GC: variants seen among roughly 807,000 people sequenced by gnomAD.
GC encodes the protein GC vitamin D binding protein, also known as vitamin D-binding protein.
In GC, 43 loss-of-function variants were observed where a neutral mutation model predicts 56.7. The ratio of observed to expected loss-of-function variants is 0.76; its 90% CI spans 0.59 to 0.98. GC has a LOEUF of 0.98. GC is among the 50% of genes least tolerant of loss of function. The pLI, the probability that GC is intolerant of heterozygous loss-of-function variation, is 0.00. For synonymous variants in GC, 216 were observed against 202.7 expected (o/e 1.07, Z -0.56); for missense variants, 529 against 545.9 (o/e 0.97, Z 0.31).
chr4:71,789,575 TCA>T (rs1742922963), intron 1 of GC, among the ~76,000 whole-genome samples: 1 of 151,942 alleles, frequency 6.6e-6, no homozygotes, highest in African/African-American at 2.4e-5. Flanking sequence ...ATGAATTTTC[TCA>T]GTTTTCAGGA....
intron 6 of GC, 22 bp from the exon 7 acceptor site, chr4:71,758,193 T>C (rs1560695006): frequency 1.9e-6 from 3 of 1,600,518 alleles, no homozygotes; most frequent in Admixed American, 3.4e-5. Context: ...AAAATAAATA[T>C]GTTAGCTTAT....
chr4:71,789,880 C>T (rs1216726475), intron 1 of GC, among the ~76,000 whole-genome samples: 1 of 151,782 alleles, frequency 6.6e-6, no homozygotes. Flanking sequence ...GGATTGCTGA[C>T]TTTGAAGATG....
chr4:71,781,210 G>T (rs1742667640), intron 1 of GC, among the ~76,000 whole-genome samples: 1 of 151,738 alleles, frequency 6.6e-6, no homozygotes, highest in South Asian at 2.1e-4. Context: ...ACAGGGTGGG[G>T]AACATCATAG....
rs529361046 is a variant in GC at position 71,762,667 on chromosome 4, G to A, written c.701+741C>T. On this transcript the variant is annotated intron_variant, in intron 6 of 12. Coordinates refer to ENST00000273951, the MANE Select transcript of GC (RefSeq NM_000583.4). ...TGGAAGGTGATTAAATTATTGGGGTGGGTCTTTCCTGTGCTGTTCTCATGA... is the reference window on the plus strand; with the variant it reads ...TGGAAGGTGATTAAATTATTGGGGTAGGTCTTTCCTGTGCTGTTCTCATGA... Among the ~76,000 whole-genome samples the A allele has an allele frequency of 1.8e-4, 27 of 152,234 alleles. No individual in the cohort carries two copies. In the South Asian group the frequency reaches 5.4e-3, roughly 30 times the overall value.
At chr4:71,796,869 T>C (rs547800934) in intron 1 of GC, among the ~76,000 whole-genome samples, 1 of 152,312 alleles carries the variant, frequency 6.6e-6, no homozygotes, top group South Asian at 2.1e-4. Context: ...TCCTTTTTGT[T>C]GATGTTGATG....
At chr4:71,793,003 C>A (rs955640521) in intron 1 of GC, among the ~76,000 whole-genome samples, 3 of 152,146 alleles carry the variant, frequency 2.0e-5, no homozygotes, top group African/African-American at 7.2e-5. Context: ...GGCCTCTGTT[C>A]TGTTCCAATG....
Position 71,765,638 on chromosome 4 carries a change from T to A in GC, c.267A>T (p.Ser89=). Residue 89 remains serine, a synonymous_variant, in exon 4 of 13, where the codon TCA becomes TCT. Transcript: ENST00000273951. ...TTTCACAGGACTTGGCAGACAGTGC[T>A]GAGGTCTGGAGGAGAAGGAAAAAGG... The part of the protein sequence containing the change: ...ADPDCYDTRT[S]ALSAKSCESN... The A allele has an allele frequency of 6.2e-7, 1 of 1,608,838 alleles. No individual in the cohort carries two copies. Among genetic ancestry groups the A allele is most frequent in the Non-Finnish European group, 8.5e-7 (1 of 1,175,476 alleles).
intron 6 of GC, chr4:71,759,488 A>G (rs910802189): frequency 6.6e-6 from 1 of 152,166 alleles, no homozygotes; most frequent in African/African-American, 2.4e-5. Flanking sequence ...TAATGGGTAT[A>G]AGGTGATACC....
chr4:71,768,404 G>T lies in GC; in HGVS notation c.158C>A (p.Pro53His), dbSNP rs1742234905. ...GCTGACCTGTTCAAACGTGCCACTG[G>T]GAAATTTTCTACTGTACAGGACTAG... ...LSLVLYSRKFPSGTFEQVSQL... is the reference protein window; with the variant it reads ...LSLVLYSRKFHSGTFEQVSQL... Residue 53 changes from proline to histidine, a missense_variant, in exon 3 of 13, where the codon CCC becomes CAC. Transcript: ENST00000273951. The T allele has an allele frequency of 1.9e-6, 3 of 1,613,300 alleles. No individual in the cohort carries two copies. The South Asian group carries it at 3.3e-5, about 18-fold the overall frequency.
chr4:71,761,470 G>C (rs1741971859), intron 6 of GC, among the ~76,000 whole-genome samples: 1 of 152,176 alleles, frequency 6.6e-6, no homozygotes, highest in Non-Finnish European at 1.5e-5. Flanking sequence ...GAAAAGAAAA[G>C]CCCTTTTTCT....
chr4:71,772,235 A>G (rs1239507921), intron 1 of GC, among the ~76,000 whole-genome samples: 1 of 152,144 alleles, frequency 6.6e-6, no homozygotes, highest in Non-Finnish European at 1.5e-5. Context: ...TAAGACATAC[A>G]CAAAATAGCC....
chr4:71,797,975 C>A (rs557661650), intron 1 of GC, among the ~76,000 whole-genome samples: 1 of 152,294 alleles, frequency 6.6e-6, no homozygotes, highest in African/African-American at 2.4e-5. Flanking sequence ...ACACATATTC[C>A]CAATGTTTTG....
At position 71,747,483 on chromosome 4, in the gene GC, C is replaced by T. The variant is rs143884388; in HGVS notation, c.1396-1278G>A. ...AGACAAAAAGTAGAAAATAATACTACAGGTGCTAAGTAAATTGTTTCAAGA... is the reference window on the plus strand; with the variant it reads ...AGACAAAAAGTAGAAAATAATACTATAGGTGCTAAGTAAATTGTTTCAAGA... On this transcript the variant is annotated intron_variant, in intron 11 of 12. Transcript: ENST00000273951. 1.5e-3 allele frequency among the ~76,000 whole-genome samples: 223 copies of T among 152,246 alleles called. 1 individual carries two copies. Among genetic ancestry groups the T allele is most frequent in the African/African-American group, 5.1e-3 (212 of 41,546 alleles).
chr4:71,752,580 G>T lies in GC; in HGVS notation c.1333C>A (p.His445Asn). The T allele has an allele frequency of 6.2e-7, 1 of 1,612,588 alleles. No individual in the cohort carries two copies. The highest frequency in any genetic ancestry group is 8.5e-7 in the Non-Finnish European group (1 of 1,178,662). ...CAGCAGTTGGAGGCAAAGTCTGAGTGCTTGTTAACCAGCTTTGCCAGTTCC... is the reference window on the plus strand; with the variant it reads ...CAGCAGTTGGAGGCAAAGTCTGAGTTCTTGTTAACCAGCTTTGCCAGTTCC... Reference protein sequence around the residue: ...PTELAKLVNKHSDFASNCCSI... With the variant: ...PTELAKLVNKNSDFASNCCSI... The change falls in exon 11 of 13, where the codon CAC becomes AAC. Residue 445 changes from histidine (H) to asparagine (N), a missense_variant. Physicochemically the swap from His to Asn is moderately conservative, Grantham distance 68. Transcript: ENST00000273951.
intron 1 of GC, among the ~76,000 whole-genome samples, chr4:71,782,317 A>G (rs1438297543): frequency 6.6e-6 from 1 of 151,796 alleles, no homozygotes; most frequent in Non-Finnish European, 1.5e-5. Context: ...GGAAGAACAC[A>G]GCTAGCTTCT....
chr4:71,742,737 G>A (rs1741223560), intron 12 of GC, among the ~76,000 whole-genome samples: 1 of 152,242 alleles, frequency 6.6e-6, no homozygotes, highest in South Asian at 2.1e-4. Flanking sequence ...CACTTTGGGA[G>A]GCCGAGGTGG....
chr4:71,744,870 AT>A (rs1428190692), intron 12 of GC, among the ~76,000 whole-genome samples: 1 of 152,180 alleles, frequency 6.6e-6, no homozygotes, highest in African/African-American at 2.4e-5. Flanking sequence ...ATCAGAAACT[AT>A]TTTAACTCTA....
intron 1 of GC, among the ~76,000 whole-genome samples, chr4:71,789,835 G>A (rs558667941): frequency 3.9e-5 from 6 of 152,028 alleles, no homozygotes; most frequent in African/African-American, 1.4e-4. Flanking sequence ...CAGAGTGAAA[G>A]AGATGTGAGA....
At chr4:71,748,470 C>T (rs1741447622) in intron 11 of GC, among the ~76,000 whole-genome samples, 1 of 152,008 alleles carries the variant, frequency 6.6e-6, no homozygotes, top group Non-Finnish European at 1.5e-5. Flanking sequence ...TTTTGGAATA[C>T]TTTGGGAAAT....
Sources: gnomAD v4.1 joint callset for allele counts (sites outside exome capture counted in the v4.1 genomes callset) on GRCh38, gnomAD v4.1.1 for gene constraint, MANE v1.5 for transcripts, NCBI Gene and HGNC (gene_info 2026-07-23, HGNC 2026-07-21) for gene names.